FBXL17: variants seen among roughly 807,000 people sequenced by gnomAD.
FBXL17 encodes F-box/LRR-repeat protein 17.
In FBXL17, 22 loss-of-function variants were observed where a neutral mutation model predicts 66.2. The ratio of observed to expected loss-of-function variants is 0.33; its 90% CI spans 0.24 to 0.47. The LOEUF is 0.47. Ranked by LOEUF, FBXL17 falls within the 20% of genes least tolerant of loss-of-function variation. FBXL17 has a pLI of 1.00. For synonymous variants in FBXL17, 474 were observed against 400.5 expected, an observed-to-expected ratio of 1.18 and a Z score of -2.19; for missense variants, 878 against 948.2, an observed-to-expected ratio of 0.93 and a Z score of 0.97.
At chr5:107,980,274 TAAGAG>T (rs1213070733) in intron 7 of FBXL17, among the ~76,000 whole-genome samples, 2 of 152,226 alleles carry the variant, frequency 1.3e-5, no homozygotes, top group Middle Eastern at 3.4e-3. Context: ...GCTTGGCCTA[TAAGAG>T]AAAAGACAGA....
Position 108,381,526 on chromosome 5 carries a change from GGAA to G in FBXL17, c.163_165del (p.Phe55del), listed in dbSNP as rs1749930997. ...ATGAAGCAGAGCATGCAGGGCCCGC[GGAA>G]GAAGCAGTCCCGGCTCCGGGGCGCC... On this transcript the variant is annotated inframe_deletion, in exon 1 of 9. Transcript: ENST00000542267. 2 of 1,413,726 alleles carry G rather than the reference GGAA, an allele frequency of 1.4e-6. No homozygotes were observed. The highest frequency in any genetic ancestry group is 1.8e-6 in the Non-Finnish European group (2 of 1,093,356). 87.6% of individuals were successfully genotyped at this position (1,413,726 alleles called of 1,614,324 possible).
intron 7 of FBXL17, among the ~76,000 whole-genome samples, chr5:107,922,851 A>C (rs1220159416): frequency 6.6e-6 from 1 of 152,198 alleles, no homozygotes; most frequent in Non-Finnish European, 1.5e-5. Flanking sequence ...ATGTGGTATA[A>C]AGAATAAGCT....
chr5:108,377,722 G>A (rs1749545329), intron 1 of FBXL17, among the ~76,000 whole-genome samples: 1 of 152,226 alleles, frequency 6.6e-6, no homozygotes, highest in African/African-American at 2.4e-5. Flanking sequence ...TCTTCATGCA[G>A]CCACAGGTGA....
At chr5:108,369,146 T>C (rs1190056636) in intron 1 of FBXL17, among the ~76,000 whole-genome samples, 3 of 152,160 alleles carry the variant, frequency 2.0e-5, no homozygotes, top group African/African-American at 4.8e-5. Context: ...ATTGTTTATG[T>C]AAAAATGCAG....
intron 5 of FBXL17, among the ~76,000 whole-genome samples, chr5:108,203,390 T>C (rs1445259971): frequency 6.6e-6 from 1 of 152,120 alleles, no homozygotes; most frequent in Non-Finnish European, 1.5e-5. Flanking sequence ...TTGCTGGCCT[T>C]GGCAAACTTC....
At chr5:108,293,675 T>A (rs1228832867) in intron 4 of FBXL17, among the ~76,000 whole-genome samples, 2 of 152,206 alleles carry the variant, frequency 1.3e-5, no homozygotes, top group African/African-American at 4.8e-5. Flanking sequence ...AGGTATTTGC[T>A]GTTAAGTCAT....
chr5:108,253,461 T>G (rs565395743), intron 4 of FBXL17, among the ~76,000 whole-genome samples: 1 of 152,270 alleles, frequency 6.6e-6, no homozygotes, highest in South Asian at 2.1e-4. Flanking sequence ...TATTCATCAT[T>G]TAATGGTTCT....
chr5:108,239,536 C>T (rs571583430), intron 4 of FBXL17, among the ~76,000 whole-genome samples: 72 of 152,326 alleles, frequency 4.7e-4, no homozygotes, highest in African/African-American at 1.7e-3. Context: ...GAGGGGAATT[C>T]TCATCCCAGC....
chr5:107,885,369 T>G (rs769175721), intron 7 of FBXL17, among the ~76,000 whole-genome samples: 1 of 152,200 alleles, frequency 6.6e-6, no homozygotes, highest in Non-Finnish European at 1.5e-5. Context: ...TAAGCACACA[T>G]GCACTTAATT....
intron 6 of FBXL17, among the ~76,000 whole-genome samples, chr5:108,028,911 A>G (rs1392616730): frequency 1.3e-5 from 2 of 152,272 alleles, no homozygotes; most frequent in African/African-American, 4.8e-5. Context: ...AGTAATACGA[A>G]AAAAAAGTTT....
intron 3 of FBXL17, among the ~76,000 whole-genome samples, chr5:108,352,216 C>T (rs1012855240): frequency 1.3e-5 from 2 of 152,196 alleles, no homozygotes; most frequent in Non-Finnish European, 2.9e-5. Context: ...TGGATATAAC[C>T]GGCAAGACCA....
chr5:108,256,267 C>A (rs1343940690), intron 4 of FBXL17, among the ~76,000 whole-genome samples: 2 of 152,118 alleles, frequency 1.3e-5, no homozygotes, highest in Non-Finnish European at 2.9e-5. Flanking sequence ...AAGTACTATG[C>A]CTTCTAAAGA....
chr5:108,269,178 C>A (rs1377766599), intron 4 of FBXL17, among the ~76,000 whole-genome samples: 1 of 151,960 alleles, frequency 6.6e-6, no homozygotes, highest in Non-Finnish European at 1.5e-5. Flanking sequence ...CATAGGAATT[C>A]CATCTTGTGC....
intron 1 of FBXL17, 149 bp from the exon 2 acceptor site, chr5:108,368,102 A>G (rs1448614231): frequency 4.2e-6 from 3 of 715,478 alleles, no homozygotes; most frequent in Non-Finnish European, 6.8e-6. Context: ...GTAAGAGATC[A>G]CCTTAAAGAG....
intron 5 of FBXL17, among the ~76,000 whole-genome samples, chr5:108,206,503 G>A (rs1754125077): frequency 6.6e-6 from 1 of 152,006 alleles, no homozygotes; most frequent in Non-Finnish European, 1.5e-5. Flanking sequence ...CCCCAAAGTC[G>A]TCACATGCTC....
intron 4 of FBXL17, among the ~76,000 whole-genome samples, chr5:108,343,545 A>C (rs1747029578): frequency 6.6e-6 from 1 of 152,200 alleles, no homozygotes; most frequent in Non-Finnish European, 1.5e-5. Flanking sequence ...GCGGACAACC[A>C]ATCTCCTTAA....
At chr5:107,940,599 T>G (rs1561330760) in intron 7 of FBXL17, among the ~76,000 whole-genome samples, 1 of 152,172 alleles carries the variant, frequency 6.6e-6, no homozygotes, top group East Asian at 1.9e-4. Flanking sequence ...GACTGCCTAT[T>G]AGAGAAAATG....
intron 7 of FBXL17, among the ~76,000 whole-genome samples, chr5:107,914,734 T>C (rs72795963): frequency 0.25 from 37,864 of 152,146 alleles, 5,972 homozygotes; most frequent in Admixed American, 0.43. Context: ...AGAACTATTG[T>C]AGCCCTTTCT....
At chr5:108,051,486 A>G (rs1329959070) in intron 6 of FBXL17, among the ~76,000 whole-genome samples, 2 of 152,242 alleles carry the variant, frequency 1.3e-5, no homozygotes, top group East Asian at 3.8e-4. Context: ...ACCAAAGACA[A>G]AAAACACATG....
Sources: allele counts gnomAD v4.1 joint callset (sites outside exome capture counted in the v4.1 genomes callset), GRCh38; gene constraint gnomAD v4.1.1; transcripts MANE v1.5; gene names NCBI Gene and HGNC (gene_info 2026-07-23, HGNC 2026-07-21).